Variants in NTM observed in about 807,000 individuals in gnomAD.
NTM encodes IgLON family member 2.
Under a neutral mutation model 42.1 loss-of-function variants are expected in NTM, and 13 were observed. The observed-to-expected ratio is 0.31, with a 90% CI of 0.20 to 0.49. The LOEUF (loss-of-function observed/expected upper bound fraction) is 0.49. Ranked by LOEUF, NTM falls within the 20% of genes least tolerant of loss-of-function variation. The probability of loss-of-function intolerance (pLI) is 0.99; values close to 1 mark genes in which losing one functional copy is unlikely to be tolerated. For synonymous variants in NTM, 187 were observed against 179.2 expected, an observed-to-expected ratio of 1.04 and a Z score of -0.35; for missense variants, 373 against 452.8, an observed-to-expected ratio of 0.82 and a Z score of 1.60.
chr11:131,786,131 T>G lies in NTM; in HGVS notation c.83-125433T>G, dbSNP rs113334859. On this transcript the variant is annotated intron_variant, in intron 1 of 8. Transcript: ENST00000683400. ...TTCTATCTTCTAAAGTACTTAAGCATGTGTTTGCTTAAGACCTCAAAGTTC... is the reference window on the plus strand; with the variant it reads ...TTCTATCTTCTAAAGTACTTAAGCAGGTGTTTGCTTAAGACCTCAAAGTTC... Among the ~76,000 whole-genome samples the G allele has an allele frequency of 6.2e-3, 942 of 152,332 alleles. 13 individuals are homozygous for G. Among genetic ancestry groups the G allele is most frequent in the African/African-American group, 0.022 (907 of 41,568 alleles).
chr11:131,857,655 G>T (rs1018993200), intron 1 of NTM, among the ~76,000 whole-genome samples: 1 of 152,158 alleles, frequency 6.6e-6, no homozygotes, highest in African/African-American at 2.4e-5. Flanking sequence ...AAGCTAGTCA[G>T]GATTTCTCCT....
intron 1 of NTM, among the ~76,000 whole-genome samples, chr11:131,804,055 C>A (rs773514404): frequency 6.6e-6 from 1 of 152,170 alleles, no homozygotes. Context: ...ATCTGTCTCT[C>A]AGGCCTGCTG....
intron 2 of NTM, among the ~76,000 whole-genome samples, chr11:132,107,339 CTTTTTTTTTTTTT>C (rs780844735): frequency 1.1e-5 from 1 of 88,866 alleles, no homozygotes; most frequent in African/African-American, 5.0e-5. Flanking sequence ...AAGATTTATC[CTTTTTTTTTTTTT>C]TTTTTTTTTT....
At chr11:131,405,395 AACTT>A (rs1222109595) in intron 1 of NTM, among the ~76,000 whole-genome samples, 6 of 151,290 alleles carry the variant, frequency 4.0e-5, no homozygotes, top group Non-Finnish European at 7.4e-5. Context: ...AGTCTCCCCT[AACTT>A]AGTTAAGGGC....
intron 3 of NTM, among the ~76,000 whole-genome samples, chr11:132,175,719 C>G (rs1592023765): frequency 6.6e-6 from 1 of 152,206 alleles, no homozygotes; most frequent in African/African-American, 2.4e-5. Flanking sequence ...TCCCGAGTAG[C>G]TGGGACTACA....
chr11:131,878,341 C>T (rs2048837909), intron 1 of NTM, among the ~76,000 whole-genome samples: 1 of 151,738 alleles, frequency 6.6e-6, no homozygotes, highest in Non-Finnish European at 1.5e-5. Flanking sequence ...GAGGCTGAGG[C>T]AGATGGATCA....
chr11:132,270,326 G>A (rs1250990867), intron 4 of NTM, among the ~76,000 whole-genome samples: 1 of 152,068 alleles, frequency 6.6e-6, no homozygotes, highest in African/African-American at 2.4e-5. Flanking sequence ...TTGCCTCCTG[G>A]GTTCAAGCGA....
intron 2 of NTM, among the ~76,000 whole-genome samples, chr11:132,017,555 T>G (rs980346266): frequency 5.3e-5 from 8 of 152,078 alleles, no homozygotes; most frequent in African/African-American, 1.9e-4. Context: ...CATTCTTGAT[T>G]ACTGTAATTT....
At chr11:132,149,759 A>G (rs537770766) in intron 3 of NTM, among the ~76,000 whole-genome samples, 1 of 152,210 alleles carries the variant, frequency 6.6e-6, no homozygotes, top group African/African-American at 2.4e-5. Context: ...GAGGAGGGTG[A>G]CCCTGGAGCC....
At chr11:131,598,848 T>TCTTTCTTTCTTCCTTCCTTCCTTC (rs2060166022) in intron 1 of NTM, among the ~76,000 whole-genome samples, 1 of 41,192 alleles carries the variant, frequency 2.4e-5, no homozygotes, top group African/African-American at 7.8e-5. Context: ...TTTCTTTCTT[T>TCTTTCTTTCTTCCTTCCTTCCTTC]CTTCCTTCCT....
chr11:131,762,792 C>A (rs1269286608), intron 1 of NTM, among the ~76,000 whole-genome samples: 2 of 152,052 alleles, frequency 1.3e-5, no homozygotes, highest in Non-Finnish European at 1.5e-5. Flanking sequence ...TTAGAACAGG[C>A]CTGATGGAGA....
chr11:132,135,597 A>T (rs2067740016), intron 2 of NTM, among the ~76,000 whole-genome samples: 1 of 152,138 alleles, frequency 6.6e-6, no homozygotes, highest in Non-Finnish European at 1.5e-5. Flanking sequence ...TACAACTCCC[A>T]CACAGGCCAC....
chr11:132,175,335 G>A lies in NTM; in HGVS notation c.400+28821G>A, dbSNP rs1391446889. Among the ~76,000 whole-genome samples the A allele has an allele frequency of 2.0e-5, 3 of 151,962 alleles. No homozygotes were observed. In the East Asian group the frequency reaches 5.8e-4, roughly 30 times the overall value. ...ACCCACACCATTATCACTCATGTATGTCCACACCCTGGCTCCTGCTCTCCA... is the reference window on the plus strand; with the variant it reads ...ACCCACACCATTATCACTCATGTATATCCACACCCTGGCTCCTGCTCTCCA... On this transcript the variant is annotated intron_variant, in intron 3 of 8. Coordinates refer to ENST00000683400, the MANE Select transcript of NTM (RefSeq NM_001352005.2).
chr11:132,145,798 C>A (rs2070264387), intron 2 of NTM, among the ~76,000 whole-genome samples: 1 of 152,196 alleles, frequency 6.6e-6, no homozygotes, highest in Admixed American at 6.5e-5. Flanking sequence ...TGATCTAACA[C>A]ATAATTATTG....
intron 1 of NTM, among the ~76,000 whole-genome samples, chr11:131,393,298 C>A (rs886691977): frequency 7.9e-5 from 12 of 152,290 alleles, no homozygotes; most frequent in African/African-American, 2.9e-4. Flanking sequence ...CCCACCTCCC[C>A]ACACATGGGC....
At chr11:131,813,024 T>C (rs549374671) in intron 1 of NTM, among the ~76,000 whole-genome samples, 5 of 152,342 alleles carry the variant, frequency 3.3e-5, no homozygotes, top group African/African-American at 1.2e-4. Flanking sequence ...GCCCTATCTA[T>C]GGCTTTGCCT....
intron 3 of NTM, among the ~76,000 whole-genome samples, chr11:132,194,278 T>C (rs987851743): frequency 1.6e-4 from 24 of 152,272 alleles, no homozygotes; most frequent in African/African-American, 5.5e-4. Flanking sequence ...CATGATGAAG[T>C]AGGCTTTATT....
intron 1 of NTM, among the ~76,000 whole-genome samples, chr11:131,824,048 G>A (rs1023196623): frequency 2.0e-5 from 3 of 152,302 alleles, no homozygotes; most frequent in Middle Eastern, 3.4e-3. Flanking sequence ...AGAGGATAAA[G>A]AGAATTGAAA....
rs115072595 is a variant in NTM at position 131,796,538 on chromosome 11, C to T, written c.83-115026C>T. On this transcript the variant is annotated intron_variant, in intron 1 of 8. Transcript: ENST00000683400. ...AAGGGGCAAGTGCCTGTCCCCTTTT[C>T]TGCCTTCCACCCTTCTTAGTGACCC... 6.5e-3 allele frequency among the ~76,000 whole-genome samples: 991 copies of T among 152,328 alleles called. 9 individuals carry two copies. The highest frequency in any genetic ancestry group is 0.023 in the African/African-American group (943 of 41,572).
Sources: gnomAD v4.1 joint callset for allele counts (sites outside exome capture counted in the v4.1 genomes callset) on GRCh38, gnomAD v4.1.1 for gene constraint, MANE v1.5 for transcripts, NCBI Gene and HGNC (gene_info 2026-07-23, HGNC 2026-07-21) for gene names.